Variants in GUF1 observed in about 807,000 individuals in gnomAD.
GUF1 encodes translation factor GUF1, mitochondrial.
GUF1 carries 78 observed loss-of-function variants against 82.4 expected under a neutral mutation model. The observed-to-expected ratio is 0.95, with a 90% confidence interval of 0.79 to 1.14. The LOEUF (loss-of-function observed/expected upper bound fraction) is 1.14, where lower values mean the gene tolerates loss of function less well. GUF1 is among the 50% of genes most tolerant of loss of function. The pLI, the probability that GUF1 is intolerant of heterozygous loss-of-function variation, is 0.00. For synonymous variants in GUF1, 279 were observed against 282.3 expected (o/e 0.99, Z 0.12); for missense variants, 814 against 798.2 (o/e 1.02, Z -0.24).
chr4:44,680,644 CTTTT>C (rs754058609), intron 2 of GUF1, 46 bp from the exon 3 acceptor site: 84 of 1,238,516 alleles, frequency 6.8e-5, no homozygotes, highest in Non-Finnish European at 8.8e-5. Context: ...GTAATATTCT[CTTTT>C]TTTTTTAAAG....
Position 44,680,448 on chromosome 4 carries a change from T to A in GUF1, c.173T>A (p.Leu58His), listed in dbSNP as rs6447368. The A allele has an allele frequency of 6.4e-7, 1 of 1,573,800 alleles. No homozygotes were observed. The highest frequency in any genetic ancestry group is 1.1e-5 in the South Asian group (1 of 87,618). Residue 58 changes from leucine (L) to histidine (H), a missense_variant, in exon 2 of 17, where the codon CTT becomes CAT. Coordinates refer to ENST00000281543, the MANE Select transcript of GUF1 (RefSeq NM_021927.3). ...GGTATTTCCCCTTTCTAGGAAAAAC[T>A]TGACATGTCTAGGTTTCCTGTTGAA... ...LYSSAEFKEK[L>H]DMSRFPVENI...
intron 9 of GUF1, among the ~76,000 whole-genome samples, chr4:44,688,472 T>A (rs942412590): frequency 1.3e-5 from 2 of 151,952 alleles, no homozygotes; most frequent in African/African-American, 4.8e-5. Flanking sequence ...GATGTTCTTA[T>A]TAGTAATTAT....
intron 6 of GUF1, among the ~76,000 whole-genome samples, chr4:44,685,751 C>T (rs376478926): frequency 2.0e-5 from 3 of 152,098 alleles, no homozygotes; most frequent in South Asian, 2.1e-4. Context: ...TCTTGTAATT[C>T]CATTCTAGAA....
chr4:44,698,757 G>GT lies in GUF1; in HGVS notation c.*78dup. 7.3e-7 allele frequency: 1 copy of GT among 1,372,542 alleles called. No individual in the cohort carries two copies. Among genetic ancestry groups the GT allele is most frequent in the Non-Finnish European group, 9.9e-7 (1 of 1,006,144 alleles). The allele number at this position is 1,372,542 out of a possible 1,614,324, so 85.0% of individuals were successfully genotyped here. On this transcript the variant is annotated 3_prime_UTR_variant, in exon 17 of 17. Coordinates refer to ENST00000281543, the MANE Select transcript of GUF1 (RefSeq NM_021927.3). ...AGAAAGAAAATTATAAAATTTGCTT[G>GT]TTACTTTCAGGGTATTCAGGTTCAA...
intron 12 of GUF1, among the ~76,000 whole-genome samples, 166 bp from the exon 13 acceptor site, chr4:44,691,500 A>C (rs1196779307): frequency 6.6e-6 from 1 of 151,800 alleles, no homozygotes; most frequent in Non-Finnish European, 1.5e-5. Context: ...TGTTAGATAA[A>C]GATTAAAAGC....
intron 6 of GUF1, among the ~76,000 whole-genome samples, chr4:44,684,095 T>TC (rs1429338394): frequency 6.6e-6 from 1 of 152,080 alleles, no homozygotes; most frequent in Non-Finnish European, 1.5e-5. Context: ...CAAGACCCCT[T>TC]CCTTTCTGCA....
rs892295501 is a variant in GUF1 at position 44,683,322 on chromosome 4, A to T, written c.669+4A>T. On this transcript the variant is annotated splice_donor_region_variant and intron_variant, in intron 6 of 16. Coordinates refer to ENST00000281543, the MANE Select transcript of GUF1 (RefSeq NM_021927.3). Reference sequence around the variant, plus strand: ...TCCAAGTGATGAATGTATTAAGGTAAAATACGTTCCTAAAAAGATTATACT... The same window carrying T: ...TCCAAGTGATGAATGTATTAAGGTATAATACGTTCCTAAAAAGATTATACT... The T allele has an allele frequency of 6.7e-7, 1 of 1,488,774 alleles. No homozygotes were observed. The highest frequency in any genetic ancestry group is 9.1e-7 in the Non-Finnish European group (1 of 1,095,936). The allele number at this position is 1,488,774 out of a possible 1,614,324, so 92.2% of individuals were successfully genotyped here.
intron 15 of GUF1, among the ~76,000 whole-genome samples, chr4:44,696,958 G>A (rs1715864467): frequency 6.6e-6 from 1 of 152,060 alleles, no homozygotes; most frequent in Admixed American, 6.6e-5. Flanking sequence ...ATAACTGCTG[G>A]GGTGGATATA....
intron 16 of GUF1, 35 bp downstream of exon 16, chr4:44,697,479 C>T (rs1715906063): frequency 1.8e-6 from 2 of 1,135,834 alleles, no homozygotes; most frequent in Non-Finnish European, 2.6e-6. Flanking sequence ...TACTTTATAA[C>T]TTTTATGGGC....
intron 15 of GUF1, 89 bp downstream of exon 15, chr4:44,695,823 T>C (rs1715775011): frequency 3.1e-6 from 4 of 1,307,456 alleles, no homozygotes; most frequent in Non-Finnish European, 4.3e-6. Flanking sequence ...TAATTTAACA[T>C]TGGCCTAAGC....
chr4:44,680,235 C>T (rs1714683786), intron 1 of GUF1, among the ~76,000 whole-genome samples: 1 of 152,072 alleles, frequency 6.6e-6, no homozygotes, highest in Non-Finnish European at 1.5e-5. Context: ...TATGATTTAG[C>T]TGTATAGTTA....
intron 4 of GUF1, 24 bp downstream of exon 4, chr4:44,681,227 A>G (rs1266267785): frequency 1.3e-6 from 2 of 1,496,652 alleles, no homozygotes; most frequent in African/African-American, 2.8e-5. Context: ...ATTTTGTATG[A>G]TGTGATATGA....
At chr4:44,684,721 G>A (rs1714953315) in intron 6 of GUF1, among the ~76,000 whole-genome samples, 1 of 152,040 alleles carries the variant, frequency 6.6e-6, no homozygotes, top group African/African-American at 2.4e-5. Flanking sequence ...TTGCTAAACT[G>A]AGCACTGTCT....
chr4:44,689,706 A>G, intron 10 of GUF1, 137 bp from the exon 11 acceptor site: 1 of 712,920 alleles, frequency 1.4e-6, no homozygotes, highest in Non-Finnish European at 2.1e-6. Context: ...AAATTATGCT[A>G]GCATTTAATT....
intron 10 of GUF1, 133 bp downstream of exon 10, chr4:44,689,542 C>T: frequency 1.9e-6 from 2 of 1,035,960 alleles, no homozygotes; most frequent in Non-Finnish European, 2.7e-6. Context: ...GTGCATTGTT[C>T]TGGAACATTT....
At chr4:44,692,419 GTT>G (rs1715507258) in intron 13 of GUF1, among the ~76,000 whole-genome samples, 2 of 151,746 alleles carry the variant, frequency 1.3e-5, no homozygotes, top group African/African-American at 4.8e-5. Flanking sequence ...TGTTGTTGTT[GTT>G]GTTGTTGGGG....
At chr4:44,694,561 T>C (rs1310682574) in intron 14 of GUF1, 48 bp downstream of exon 14, 1 of 1,145,026 alleles carries the variant, frequency 8.7e-7, no homozygotes, top group Non-Finnish European at 1.3e-6. Flanking sequence ...ACTTTTGATA[T>C]GTTTTTCATT....
chr4:44,695,754 T>C lies in GUF1; in HGVS notation c.1835+20T>C. On this transcript the variant is annotated intron_variant, in intron 15 of 16. Coordinates refer to ENST00000281543, the MANE Select transcript of GUF1 (RefSeq NM_021927.3). ...AGAAACGTGAGTTGAAATTCATTTT[T>C]GGTCTTGAGCCAGTTTCAGAAATGA... 4 of 1,605,946 alleles carry C rather than the reference T, an allele frequency of 2.5e-6. No individual in the cohort carries two copies. The highest frequency in any genetic ancestry group is 3.4e-6 in the Non-Finnish European group (4 of 1,177,230).
chr4:44,696,996 T>A (rs913271284), intron 15 of GUF1, among the ~76,000 whole-genome samples: 1 of 152,216 alleles, frequency 6.6e-6, no homozygotes, highest in African/African-American at 2.4e-5. Context: ...TCCATCCACA[T>A]TCAGTAGAGG....
Sources: gnomAD v4.1 joint callset for allele counts (sites outside exome capture counted in the v4.1 genomes callset) on GRCh38, gnomAD v4.1.1 for gene constraint, MANE v1.5 for transcripts, NCBI Gene and HGNC (gene_info 2026-07-23, HGNC 2026-07-21) for gene names.